AP1S2: variants seen among roughly 807,000 people sequenced by gnomAD.
AP1S2 encodes the protein AP-1 complex subunit sigma-2.
A neutral mutation model predicts 14.3 loss-of-function variants in AP1S2; 1 was observed. The observed-to-expected ratio is 0.07, with a 90% confidence interval of 0.02 to 0.33. AP1S2 has a LOEUF of 0.33. Among genes scored for constraint, AP1S2 ranks in the 10% least tolerant of loss-of-function variants. The probability of loss-of-function intolerance (pLI) is 0.99; values close to 1 mark genes in which losing one functional copy is unlikely to be tolerated. For missense variants in AP1S2, 30 were observed against 117.7 expected, an observed-to-expected ratio of 0.25 and a Z score of 3.45; for synonymous variants, 30 against 40.5, an observed-to-expected ratio of 0.74 and a Z score of 0.99.
chrX:15,843,728 A>C (rs766209479), intron 4 of AP1S2, among the ~76,000 whole-genome samples: 1 of 111,934 alleles, frequency 8.9e-6, no homozygotes, highest in Non-Finnish European at 1.9e-5. Context: ...CAAAATATGA[A>C]AGTGATCAAG....
intron 4 of AP1S2, among the ~76,000 whole-genome samples, chrX:15,835,031 A>G (rs1255456380): frequency 9.0e-6 from 1 of 111,106 alleles, no homozygotes; most frequent in Non-Finnish European, 1.9e-5. Context: ...CTCACAAGTA[A>G]AACCAACAGG....
At chrX:15,852,848 A>G (rs1411768393) in intron 1 of AP1S2, 9 of 744,191 alleles carry the variant, frequency 1.2e-5, no homozygotes, top group Non-Finnish European at 1.4e-5. Context: ...ACTATTTTCT[A>G]CCTGTGCTAT....
intron 5 of AP1S2, 65 bp from the exon 6 acceptor site, chrX:15,827,437 G>A: frequency 1.0e-6 from 1 of 962,743 alleles, no homozygotes. Context: ...GTGAAACATT[G>A]ACATGGAAGA....
chrX:15,830,468 T>C (rs909100746), intron 4 of AP1S2: 1 of 749,773 alleles, frequency 1.3e-6, no homozygotes, highest in African/African-American at 2.3e-5. Context: ...TAGATCTTCT[T>C]TCAGTGATAA....
At chrX:15,834,481 A>ATATATATATATATATATAAT (rs1569080380) in intron 4 of AP1S2, among the ~76,000 whole-genome samples, 6 of 13,010 alleles carry the variant, frequency 4.6e-4, no homozygotes, top group African/African-American at 1.7e-3. Context: ...TATATATATA[A>ATATATATATATATATATAAT]TTTTTTTTTT....
chrX:15,833,892 CT>C (rs1221824938), intron 4 of AP1S2, among the ~76,000 whole-genome samples: 1 of 111,522 alleles, frequency 9.0e-6, no homozygotes, highest in Non-Finnish European at 1.9e-5. Context: ...TGTTCTTCCC[CT>C]GGGCACCCGT....
Position 15,828,140 on chromosome X carries a change from A to G in AP1S2, c.435+52T>C, listed in dbSNP as rs1601837450. 7.1e-6 allele frequency: 7 copies of G among 990,706 alleles called. No individual in the cohort carries two copies. In the East Asian group the frequency reaches 2.1e-4, roughly 29 times the overall value. The allele number at this position is 990,706 out of a possible 1,213,427, so 81.6% of individuals were successfully genotyped here. A position where few individuals can be genotyped will look rare whatever the true frequency, so the allele number is the denominator to read the frequency against. On this transcript the variant is annotated intron_variant, in intron 5 of 5. Transcript: ENST00000672987. ...TTTTGTAATTAAAAGGCAACACTAT[A>G]TTTTAATGATGGAAAATAATATAAA...
At chrX:15,838,106 A>G (rs1933708802) in intron 4 of AP1S2, among the ~76,000 whole-genome samples, 1 of 111,711 alleles carries the variant, frequency 9.0e-6, no homozygotes, top group African/African-American at 3.3e-5. Context: ...CCTGGGCACA[A>G]CTGACATTTG....
At chrX:15,840,297 AAAAG>A (rs1284201141) in intron 4 of AP1S2, among the ~76,000 whole-genome samples, 1 of 112,562 alleles carries the variant, frequency 8.9e-6, no homozygotes, top group Non-Finnish European at 1.9e-5. Context: ...GTTAGTATAA[AAAAG>A]AAAGGTTGAC....
intron 2 of AP1S2, 125 bp downstream of exon 2, chrX:15,852,221 C>T (rs1466537390): frequency 4.5e-6 from 3 of 660,838 alleles, no homozygotes; most frequent in Non-Finnish European, 4.5e-6. Flanking sequence ...AAAGCTTTAC[C>T]TTAAACCTAT....
intron 4 of AP1S2, among the ~76,000 whole-genome samples, chrX:15,834,481 A>ATATATATAAAAT: frequency 7.7e-5 from 1 of 13,012 alleles, no homozygotes; most frequent in African/African-American, 4.1e-4. Flanking sequence ...TATATATATA[A>ATATATATAAAAT]TTTTTTTTTT....
intron 3 of AP1S2, 99 bp downstream of exon 3, chrX:15,845,804 C>T (rs1204207618): frequency 4.1e-5 from 32 of 776,017 alleles, no homozygotes; most frequent in African/African-American, 6.2e-5. Context: ...CCCTCTCCCG[C>T]GGTTAGAATC....
At chrX:15,839,751 G>A (rs1311564653) in intron 4 of AP1S2, among the ~76,000 whole-genome samples, 1 of 110,141 alleles carries the variant, frequency 9.1e-6, no homozygotes, top group Non-Finnish European at 1.9e-5. Flanking sequence ...GCCTCCCAAA[G>A]TGCTGGGATT....
intron 4 of AP1S2, chrX:15,833,560 AT>A: frequency 1.3e-6 from 1 of 742,088 alleles, no homozygotes; most frequent in Non-Finnish European, 1.6e-6. Context: ...TATTTTTACC[AT>A]TTTAAATTGC....
intron 4 of AP1S2, among the ~76,000 whole-genome samples, chrX:15,840,845 C>G (rs747038183): frequency 2.1e-4 from 24 of 111,826 alleles, no homozygotes; most frequent in Non-Finnish European, 4.1e-4. Flanking sequence ...ATCTTTAGTA[C>G]CAGTGGCATG....
rs1933974428 is a variant in AP1S2, at chrX:15,845,536, G to T, written c.289-20C>A. 1 of 1,188,240 alleles carries T rather than the reference G, an allele frequency of 8.4e-7. No homozygotes were observed. Among genetic ancestry groups the T allele is most frequent in the African/African-American group, 1.8e-5 (1 of 55,178 alleles). ...ACAGACCTGAAAAGGAAAAAAAAAA[G>T]AAAAAAGAAAAGAAAAAATTGTTAA... is the stretch of plus-strand genomic sequence containing the variant. On this transcript the variant is annotated intron_variant, in intron 3 of 5. Transcript: ENST00000672987.
chrX:15,841,725 ACTGT>A (rs757225550), intron 4 of AP1S2, among the ~76,000 whole-genome samples: 2 of 112,389 alleles, frequency 1.8e-5, no homozygotes, highest in Admixed American at 1.9e-4. Flanking sequence ...CAAAGATGGC[ACTGT>A]CTTAGGAAAT....
chrX:15,832,721 C>G (rs1249743268), intron 4 of AP1S2: 45 of 872,322 alleles, frequency 5.2e-5, no homozygotes, highest in Non-Finnish European at 5.9e-5. Context: ...TTTCCATATT[C>G]TGTGTAAAAA....
At position 15,845,525 on chromosome X, in the gene AP1S2, G is replaced by GAAAAAAAAAAAA. The variant is rs746801765; in HGVS notation, c.289-10_289-9insTTTTTTTTTTTT. 1.8e-6 allele frequency: 2 copies of GAAAAAAAAAAAA among 1,087,801 alleles called. No homozygotes were observed. The highest frequency in any genetic ancestry group is 1.2e-6 in the Non-Finnish European group (1 of 817,048). The allele number at this position is 1,087,801 out of a possible 1,213,427, so 89.6% of individuals were successfully genotyped here. ...ATATCTAGTTCACAGACCTGAAAAG[G>GAAAAAAAAAAAA]AAAAAAAAAAGAAAAAAGAAAAGAA... On this transcript the variant is annotated splice_polypyrimidine_tract_variant and intron_variant, in intron 3 of 5. Coordinates refer to ENST00000672987, the MANE Select transcript of AP1S2 (RefSeq NM_001272071.2).
Sources: gnomAD v4.1 joint callset for allele counts (sites outside exome capture counted in the v4.1 genomes callset) on GRCh38, gnomAD v4.1.1 for gene constraint, MANE v1.5 for transcripts, NCBI Gene and HGNC (gene_info 2026-07-23, HGNC 2026-07-21) for gene names.